PLXNA2: variants seen among roughly 807,000 people sequenced by gnomAD.
PLXNA2 encodes the protein plexin A2.
Under a neutral mutation model 193.5 loss-of-function variants are expected in PLXNA2, and 91 were observed. The observed-to-expected ratio is 0.47, with a 90% confidence interval of 0.40 to 0.56. The LOEUF (loss-of-function observed/expected upper bound fraction) is 0.56, where lower values mean the gene tolerates loss of function less well. PLXNA2 is among the 20% of genes least tolerant of loss of function. The pLI is 0.00. For synonymous variants in PLXNA2, 997 were observed against 1,027.3 expected, an observed-to-expected ratio of 0.97 and a Z score of 0.56; for missense variants, 1,995 against 2,503.2, an observed-to-expected ratio of 0.80 and a Z score of 4.33.
intron 2 of PLXNA2, among the ~76,000 whole-genome samples, chr1:208,211,914 G>C (rs969177518): frequency 2.0e-5 from 3 of 152,160 alleles, no homozygotes; most frequent in Non-Finnish European, 2.9e-5. Context: ...CCTGAGGCAG[G>C]GGCTGCTGAG....
chr1:208,102,187 C>T (rs1019600430), intron 5 of PLXNA2, among the ~76,000 whole-genome samples: 3 of 152,354 alleles, frequency 2.0e-5, no homozygotes, highest in Admixed American at 6.5e-5. Flanking sequence ...TCCCTCCCTC[C>T]CTCCAGAGCC....
chr1:208,167,442 C>T (rs1053361974), intron 3 of PLXNA2, among the ~76,000 whole-genome samples: 63 of 152,298 alleles, frequency 4.1e-4, no homozygotes, highest in African/African-American at 1.3e-3. Flanking sequence ...AATATCAACA[C>T]GTGTCCCCTG....
At chr1:208,029,442 C>T (rs1189515924) in intron 29 of PLXNA2, 13 of 1,013,506 alleles carry the variant, frequency 1.3e-5, no homozygotes, top group Middle Eastern at 4.9e-4. Flanking sequence ...GGCCATTGTC[C>T]GGAAGAAGGC....
At position 208,045,174 on chromosome 1, in the gene PLXNA2, T is replaced by C; in HGVS notation, c.3532A>G (p.Lys1178Glu). The C allele has an allele frequency of 6.2e-7, 1 of 1,614,184 alleles. No individual in the cohort carries two copies. Among genetic ancestry groups the C allele is most frequent in the Non-Finnish European group, 8.5e-7 (1 of 1,180,018 alleles). ...CCGATGAGCACAGTGTAGTTGAGTT[T>C]GGCCCCTCCAGAGGCAGGAGGGCAG... is the stretch of plus-strand genomic sequence containing the variant. ...NLCPPASGGA[K>E]LNYTVLIGET... Residue 1178 changes from lysine (K) to glutamate (E), a missense_variant, in exon 19 of 32, where the codon AAA becomes GAA. Transcript: ENST00000367033.
At chr1:208,151,906 A>C (rs1170736743) in intron 3 of PLXNA2, among the ~76,000 whole-genome samples, 1 of 152,182 alleles carries the variant, frequency 6.6e-6, no homozygotes, top group Non-Finnish European at 1.5e-5. Flanking sequence ...AGGACTAAAA[A>C]CTACATTTAA....
chr1:208,139,807 G>A (rs1202108047), intron 4 of PLXNA2, among the ~76,000 whole-genome samples: 1 of 152,190 alleles, frequency 6.6e-6, no homozygotes, highest in Non-Finnish European at 1.5e-5. Flanking sequence ...TTAACTCACA[G>A]CCGGCCTCAG....
At position 208,216,741 on chromosome 1, in the gene PLXNA2, G is replaced by T. The variant is rs1664227; in HGVS notation, c.1182C>A (p.Thr394=). The T allele has an allele frequency of 1.2e-5, 19 of 1,611,774 alleles. No homozygotes were observed. The highest frequency in any genetic ancestry group is 1.6e-5 in the Non-Finnish European group (19 of 1,179,420). The change falls in exon 2 of 32, where the codon ACC becomes ACA. Residue 394 remains threonine, a synonymous_variant. Transcript: ENST00000367033. ...NWLLGKDVQC[T]KAPVPIDDNF... ...GAGGTGTGTGCCTCCTTACCGCCTTGGTGCACTGGACGTCCTTCCCCAGCA... is the reference window on the plus strand; with the variant it reads ...GAGGTGTGTGCCTCCTTACCGCCTTTGTGCACTGGACGTCCTTCCCCAGCA...
intron 3 of PLXNA2, among the ~76,000 whole-genome samples, chr1:208,206,602 A>G (rs1040592640): frequency 1.3e-5 from 2 of 152,078 alleles, no homozygotes; most frequent in African/African-American, 2.4e-5. Flanking sequence ...CATCTAGTCT[A>G]TAAGCAGACC....
chr1:208,235,333 G>T (rs962674251), intron 1 of PLXNA2, among the ~76,000 whole-genome samples: 29 of 152,186 alleles, frequency 1.9e-4, no homozygotes, highest in African/African-American at 7.0e-4. Context: ...CAAATTTGGA[G>T]AGAGAGGGGG....
intron 1 of PLXNA2, among the ~76,000 whole-genome samples, chr1:208,240,732 C>A (rs1171358246): frequency 7.4e-6 from 1 of 135,072 alleles, no homozygotes. Context: ...GACTGTAACA[C>A]AATGCTCCAG....
chr1:208,110,831 G>C (rs918501281), intron 4 of PLXNA2, among the ~76,000 whole-genome samples: 13 of 152,134 alleles, frequency 8.5e-5, no homozygotes, highest in Non-Finnish European at 1.8e-4. Context: ...CGGCCACCGG[G>C]GCCATTCTTC....
chr1:208,115,750 A>T (rs962856603), intron 4 of PLXNA2, among the ~76,000 whole-genome samples: 4 of 152,220 alleles, frequency 2.6e-5, no homozygotes, highest in African/African-American at 9.7e-5. Flanking sequence ...CACACCTCCC[A>T]AACTATAATG....
rs767311258 is a variant in PLXNA2, at chr1:208,046,019, C to G, written c.3354G>C (p.Glu1118Asp). 2 of 1,614,266 alleles carry G rather than the reference C, an allele frequency of 1.2e-6. No homozygotes were observed. The highest frequency in any genetic ancestry group is 1.7e-6 in the Non-Finnish European group (2 of 1,180,044). The change falls in exon 18 of 32, where the codon GAG (glutamate) becomes GAC (aspartate). Residue 1118 changes from glutamate to aspartate, a missense_variant. By Grantham distance (45) the Glu-to-Asp change is conservative. Around this residue, in one of 3 missense-constraint regions of PLXNA2, gnomAD observed 1,291 missense variants for 1,673.6 expected, o/e 0.77. Transcript: ENST00000367033. ...GGACATTGTTAAAGACAAATCCAAA[C>G]TCATCTGGGCGTTCCACAGTGTCCA... ...PGLDTVERPD[E>D]FGFVFNNVQS...
chr1:208,113,438 C>G (rs1231377755), intron 4 of PLXNA2, among the ~76,000 whole-genome samples: 1 of 152,168 alleles, frequency 6.6e-6, no homozygotes, highest in Non-Finnish European at 1.5e-5. Context: ...AACAGGACCC[C>G]ATCTCAGGGC....
At chr1:208,111,006 A>G (rs1178575842) in intron 4 of PLXNA2, among the ~76,000 whole-genome samples, 1 of 152,186 alleles carries the variant, frequency 6.6e-6, no homozygotes, top group Non-Finnish European at 1.5e-5. Flanking sequence ...GAGAGGTGAT[A>G]CCAGAAGGTG....
chr1:208,027,371 A>G (rs1290987369), intron 31 of PLXNA2, 33 bp from the exon 32 acceptor site: 17 of 1,581,026 alleles, frequency 1.1e-5, no homozygotes, highest in Admixed American at 3.3e-5. Flanking sequence ...GGAAGACTTC[A>G]GGACTCAGAA....
At chr1:208,073,521 T>C (rs1424535463) in intron 12 of PLXNA2, among the ~76,000 whole-genome samples, 1 of 152,156 alleles carries the variant, frequency 6.6e-6, no homozygotes, top group East Asian at 1.9e-4. Flanking sequence ...TGGCATACAG[T>C]AGTCATTAAT....
rs1664208464 is a variant in PLXNA2, at chr1:208,022,377, C to CA, written c.*4865dup. 1 of 152,276 alleles carries CA rather than the reference C, an allele frequency of 6.6e-6. No homozygotes were observed. The highest frequency in any genetic ancestry group is 2.4e-5 in the African/African-American group (1 of 41,316). The allele number at this position is 152,276 out of a possible 1,614,324, so 9.4% of individuals were successfully genotyped here. On this transcript the variant is annotated 3_prime_UTR_variant, in exon 32 of 32. Transcript: ENST00000367033. Reference sequence around the variant, plus strand: ...GGTACACAATAATATATTAGAATAACAAAAAACCCCACTTTATTGGAACAT... The same window carrying CA: ...GGTACACAATAATATATTAGAATAACAAAAAAACCCCACTTTATTGGAACAT...
intron 3 of PLXNA2, among the ~76,000 whole-genome samples, chr1:208,176,866 C>G (rs1669676505): frequency 6.6e-6 from 1 of 152,222 alleles, no homozygotes; most frequent in African/African-American, 2.4e-5. Context: ...CTACTCCCTT[C>G]CTCCTTGAGT....
Sources: allele counts gnomAD v4.1 joint callset (sites outside exome capture counted in the v4.1 genomes callset), GRCh38; gene constraint gnomAD v4.1.1; regional missense constraint gnomAD v4.1.1; transcripts MANE v1.5; gene names NCBI Gene and HGNC (gene_info 2026-07-23, HGNC 2026-07-21).